FAR2: variants seen among roughly 807,000 people sequenced by gnomAD.
FAR2 encodes fatty acyl-CoA reductase 2.
Under a neutral mutation model 56.0 loss-of-function variants are expected in FAR2, and 19 were observed. The observed-to-expected ratio is 0.34, with a 90% CI of 0.24 to 0.50. FAR2 has a LOEUF of 0.50. Among genes scored for constraint, FAR2 ranks in the 20% least tolerant of loss-of-function variants. The pLI is 0.98. For synonymous variants in FAR2, 219 were observed against 218.8 expected, an observed-to-expected ratio of 1.00 and a Z score of -0.01; for missense variants, 508 against 642.2, an observed-to-expected ratio of 0.79 and a Z score of 2.26.
Position 29,257,021 on chromosome 12 carries a change from A to G in FAR2, c.-38-13391A>G, listed in dbSNP as rs1948329639. 2.6e-5 allele frequency among the ~76,000 whole-genome samples: 4 copies of G among 152,104 alleles called. 1 individual carries two copies. The South Asian group carries it at 8.3e-4, about 31-fold the overall frequency. On this transcript the variant is annotated intron_variant, in intron 1 of 11. Transcript: ENST00000536681. Reference sequence around the variant, plus strand: ...CCCATCGACCACCCAAGGACTGAGGAGTGCGGGTGCACGGCGCGGGACTGG... The same window carrying G: ...CCCATCGACCACCCAAGGACTGAGGGGTGCGGGTGCACGGCGCGGGACTGG...
At chr12:29,243,349 G>A (rs1036963212) in intron 1 of FAR2, among the ~76,000 whole-genome samples, 2 of 152,170 alleles carry the variant, frequency 1.3e-5, no homozygotes, top group African/African-American at 4.8e-5. Context: ...ATAGCAGGCT[G>A]GCTTCCTGGA....
chr12:29,255,344 A>G (rs1487773450), intron 1 of FAR2, among the ~76,000 whole-genome samples: 14 of 152,108 alleles, frequency 9.2e-5, no homozygotes. Context: ...GAGATTAGGG[A>G]CCCACCCTGG....
At chr12:29,328,971 ACATAC>A (rs1949690783) in intron 10 of FAR2, among the ~76,000 whole-genome samples, 1 of 152,178 alleles carries the variant, frequency 6.6e-6, no homozygotes, top group African/African-American at 2.4e-5. Context: ...TTTCACTTCT[ACATAC>A]CAAACTTACT....
At chr12:29,284,848 T>TTTGTTTGTTTGC (rs1185867633) in intron 2 of FAR2, among the ~76,000 whole-genome samples, 1 of 152,010 alleles carries the variant, frequency 6.6e-6, no homozygotes, top group African/African-American at 2.4e-5. Flanking sequence ...TGTTTGTTTG[T>TTTGTTTGTTTGC]TTGTTTGTTT....
At chr12:29,325,981 T>A (rs1036945191) in intron 10 of FAR2, among the ~76,000 whole-genome samples, 6 of 151,932 alleles carry the variant, frequency 3.9e-5, no homozygotes, top group Non-Finnish European at 8.8e-5. Flanking sequence ...TTTGAAAAGA[T>A]CAACAAAATT....
intron 1 of FAR2, among the ~76,000 whole-genome samples, chr12:29,205,958 A>G (rs1284244687): frequency 6.6e-6 from 1 of 152,148 alleles, no homozygotes; most frequent in East Asian, 1.9e-4. Flanking sequence ...GCTAGGAATT[A>G]TGTCTTAATG....
chr12:29,230,146 A>G (rs1947833420), intron 1 of FAR2, among the ~76,000 whole-genome samples: 1 of 152,196 alleles, frequency 6.6e-6, no homozygotes, highest in Non-Finnish European at 1.5e-5. Context: ...TGACAGATAA[A>G]CTATAAACAG....
chr12:29,335,573 TCA>T lies in FAR2; in HGVS notation c.*1782_*1783del, dbSNP rs1949783190. The T allele has an allele frequency of 6.6e-6, 1 of 152,158 alleles. No individual in the cohort carries two copies. Among genetic ancestry groups the T allele is most frequent in the African/African-American group, 2.4e-5 (1 of 41,430 alleles). 9.4% of individuals were successfully genotyped at this position (152,158 alleles called of 1,614,324 possible). On this transcript the variant is annotated 3_prime_UTR_variant, in exon 12 of 12. Coordinates refer to ENST00000536681, the MANE Select transcript of FAR2 (RefSeq NM_001271783.2). ...TTCAATAATTCCACTAATCAAGTAT[TCA>T]CATTTTGACTTTTGATTAAATAAAA...
At chr12:29,259,719 A>G (rs1396925963) in intron 1 of FAR2, among the ~76,000 whole-genome samples, 1 of 152,238 alleles carries the variant, frequency 6.6e-6, no homozygotes, top group African/African-American at 2.4e-5. Flanking sequence ...TAACCTGCAT[A>G]AAGCCTGTTC....
chr12:29,219,207 C>T (rs1947657320), intron 1 of FAR2, among the ~76,000 whole-genome samples: 1 of 151,964 alleles, frequency 6.6e-6, no homozygotes, highest in Non-Finnish European at 1.5e-5. Flanking sequence ...AATTCTATAC[C>T]CCAGATAGGT....
At chr12:29,229,944 T>G (rs1947829960) in intron 1 of FAR2, among the ~76,000 whole-genome samples, 1 of 152,050 alleles carries the variant, frequency 6.6e-6, no homozygotes, top group Non-Finnish European at 1.5e-5. Flanking sequence ...GGAACGGCAT[T>G]CATTCTTCCT....
chr12:29,182,302 G>A (rs1339127315), intron 1 of FAR2, among the ~76,000 whole-genome samples: 1 of 152,214 alleles, frequency 6.6e-6, no homozygotes, highest in Non-Finnish European at 1.5e-5. Context: ...GCAGTGGCCA[G>A]CTTTTATTCC....
At chr12:29,300,566 A>C (rs1330851634) in intron 4 of FAR2, among the ~76,000 whole-genome samples, 1 of 152,142 alleles carries the variant, frequency 6.6e-6, no homozygotes, top group Non-Finnish European at 1.5e-5. Flanking sequence ...CAAGGTTTTT[A>C]GGTTTCTATT....
intron 4 of FAR2, among the ~76,000 whole-genome samples, chr12:29,306,459 G>C (rs1361383688): frequency 6.6e-6 from 1 of 152,134 alleles, no homozygotes; most frequent in Non-Finnish European, 1.5e-5. Flanking sequence ...TCAAAAATTT[G>C]TCATGTCAGC....
At chr12:29,161,210 C>A (rs1418157039) in intron 1 of FAR2, among the ~76,000 whole-genome samples, 1 of 152,154 alleles carries the variant, frequency 6.6e-6, no homozygotes, top group Non-Finnish European at 1.5e-5. Context: ...CAGATTCTAT[C>A]TTCCAAGTTA....
chr12:29,244,900 A>G (rs1405877060), intron 1 of FAR2, among the ~76,000 whole-genome samples: 2 of 152,104 alleles, frequency 1.3e-5, no homozygotes, highest in East Asian at 1.9e-4. Context: ...GAAAAAGCAC[A>G]TTGTCCTTCC....
At chr12:29,317,123 C>A (rs1591964150) in intron 9 of FAR2, 111 bp downstream of exon 9, 2 of 1,167,530 alleles carry the variant, frequency 1.7e-6, no homozygotes, top group East Asian at 4.8e-5. Context: ...TGAATCTTAC[C>A]CATATATACA....
chr12:29,328,749 G>T (rs1285165807), intron 10 of FAR2, among the ~76,000 whole-genome samples: 1 of 144,532 alleles, frequency 6.9e-6, no homozygotes, highest in Admixed American at 6.9e-5. Context: ...TTGTGGAGTG[G>T]GGGGAGGGGG....
intron 8 of FAR2, among the ~76,000 whole-genome samples, chr12:29,312,682 T>A (rs887065196): frequency 1.3e-5 from 2 of 152,168 alleles, no homozygotes; most frequent in African/African-American, 4.8e-5. Context: ...ACCATGGAAA[T>A]AGAGTTGAGT....
Sources: gnomAD v4.1 joint callset for allele counts (sites outside exome capture counted in the v4.1 genomes callset) on GRCh38, gnomAD v4.1.1 for gene constraint, MANE v1.5 for transcripts, NCBI Gene and HGNC (gene_info 2026-07-23, HGNC 2026-07-21) for gene names.